The following ZDHHC20 variants were observed in gnomAD, a reference collection of about 807,000 sequenced individuals.
The protein encoded by ZDHHC20 is zDHHC palmitoyltransferase 20.
A neutral mutation model predicts 57.8 loss-of-function variants in ZDHHC20; 43 were observed. That is an observed-to-expected ratio of 0.74 (90% CI 0.58 to 0.96). ZDHHC20 has a LOEUF of 0.96. Among genes scored for constraint, ZDHHC20 ranks in the 40% least tolerant of loss-of-function variants. ZDHHC20 has a pLI of 0.00. For synonymous variants in ZDHHC20, 157 were observed against 153.0 expected (o/e 1.03, Z -0.19); for missense variants, 391 against 441.1 (o/e 0.89, Z 1.02).
intron 1 of ZDHHC20, among the ~76,000 whole-genome samples, chr13:21,448,148 A>C (rs1883978271): frequency 7.2e-6 from 1 of 139,576 alleles, no homozygotes; most frequent in African/African-American, 2.6e-5. Flanking sequence ...CTGGGAGGTG[A>C]GGAGCGTCTC....
At chr13:21,377,161 C>T (rs948419386) in intron 12 of ZDHHC20, 7 of 191,902 alleles carry the variant, frequency 3.6e-5, no homozygotes, top group South Asian at 1.7e-4. Context: ...TCACCGTATG[C>T]GGGACACAGC....
chr13:21,449,183 C>T (rs1196806971), intron 1 of ZDHHC20, among the ~76,000 whole-genome samples: 2 of 147,878 alleles, frequency 1.4e-5, no homozygotes, highest in Non-Finnish European at 3.0e-5. Context: ...TGCCAAATCC[C>T]CCTCTGTGAG....
chr13:21,459,210 C>T lies in ZDHHC20; in HGVS notation c.-39G>A. The T allele has an allele frequency of 1.3e-6, 2 of 1,527,724 alleles. No homozygotes were observed. The highest frequency in any genetic ancestry group is 1.8e-6 in the Non-Finnish European group (2 of 1,130,746). 94.6% of individuals were successfully genotyped at this position (1,527,724 alleles called of 1,614,324 possible). On this transcript the variant is annotated 5_prime_UTR_variant, in exon 1 of 13. Transcript: ENST00000400590. ...CTGCCGAGCCCCGCGTCCCACCGTT[C>T]TGGGGAGCGCGGGAGCCCCGGCGAC... is the stretch of plus-strand genomic sequence containing the variant.
At chr13:21,425,767 AT>A in intron 1 of ZDHHC20, 89 bp from the exon 2 acceptor site, 1 of 829,870 alleles carries the variant, frequency 1.2e-6, no homozygotes, top group South Asian at 2.9e-5. Context: ...TCTTAATATC[AT>A]TTTCAAAAAA....
At chr13:21,448,927 T>C (rs1034685688) in intron 1 of ZDHHC20, among the ~76,000 whole-genome samples, 8 of 99,216 alleles carry the variant, frequency 8.1e-5, no homozygotes, top group Non-Finnish European at 1.7e-4. Flanking sequence ...CCCCCAACCC[T>C]GTGCTCTCTG....
At chr13:21,432,331 A>ATTTT (rs71093309) in intron 1 of ZDHHC20, among the ~76,000 whole-genome samples, 1 of 133,200 alleles carries the variant, frequency 7.5e-6, no homozygotes. Context: ...TGTCCCACTA[A>ATTTT]TTTTTTTTTT....
intron 11 of ZDHHC20, among the ~76,000 whole-genome samples, chr13:21,380,051 G>A (rs538195018): frequency 1.3e-5 from 2 of 151,830 alleles, no homozygotes; most frequent in East Asian, 2.0e-4. Flanking sequence ...TCGTGACCTC[G>A]TGATCCGCCT....
chr13:21,437,785 G>T (rs572423310), intron 1 of ZDHHC20, among the ~76,000 whole-genome samples: 1 of 151,796 alleles, frequency 6.6e-6, no homozygotes, highest in Admixed American at 6.6e-5. Flanking sequence ...TCCACCTCCC[G>T]GGTTCACGCC....
chr13:21,403,889 T>C (rs1250724065), intron 4 of ZDHHC20, among the ~76,000 whole-genome samples: 3 of 152,098 alleles, frequency 2.0e-5, no homozygotes, highest in East Asian at 1.9e-4. Flanking sequence ...GGTTTCACCA[T>C]ATTGGTCAGG....
chr13:21,402,685 G>A (rs1243859331), intron 5 of ZDHHC20, 112 bp downstream of exon 5: 2 of 835,664 alleles, frequency 2.4e-6, no homozygotes, highest in Non-Finnish European at 3.8e-6. Context: ...TAATGGGAGA[G>A]GATGAAGTGT....
chr13:21,382,220 T>C (rs752992468), intron 10 of ZDHHC20, among the ~76,000 whole-genome samples: 1 of 152,222 alleles, frequency 6.6e-6, no homozygotes, highest in Non-Finnish European at 1.5e-5. Flanking sequence ...TAACAAATGT[T>C]AGAGCTCAAA....
intron 10 of ZDHHC20, among the ~76,000 whole-genome samples, chr13:21,382,175 T>C (rs141480474): frequency 3.9e-4 from 59 of 152,340 alleles, no homozygotes; most frequent in African/African-American, 1.3e-3. Flanking sequence ...AGGTGGAAAC[T>C]GAGGCTCATA....
chr13:21,378,723 A>C lies in ZDHHC20; in HGVS notation c.1076T>G (p.Val359Gly). The C allele has an allele frequency of 6.8e-7, 1 of 1,467,622 alleles. No individual in the cohort carries two copies. The highest frequency in any genetic ancestry group is 1.5e-5 in the South Asian group (1 of 65,332). 90.9% of individuals were successfully genotyped at this position (1,467,622 alleles called of 1,614,324 possible). A position where few individuals can be genotyped will look rare whatever the true frequency, so the allele number is the denominator to read the frequency against. ...GIVKSGTNNHVTVAIEN is the reference protein window; with the variant it reads ...GIVKSGTNNHGTVAIEN ...TACTCAATTTTCTATTGCCACTGTT[A>C]CATGGTTATTTGTCCCTGTAAGCAT... Residue 359 changes from valine to glycine, a missense_variant, in exon 12 of 13, where the codon GTA (valine) becomes GGA (glycine). Around this residue, in one of 3 missense-constraint regions of ZDHHC20, gnomAD observed 197 missense variants for 220.8 expected, o/e 0.89. Transcript: ENST00000400590.
intron 7 of ZDHHC20, among the ~76,000 whole-genome samples, chr13:21,397,267 A>T (rs1268851113): frequency 6.6e-6 from 1 of 151,924 alleles, no homozygotes; most frequent in Non-Finnish European, 1.5e-5. Context: ...TGGAGGTTGC[A>T]GTGAGCCGAG....
At chr13:21,409,824 T>C (rs1878968724) in intron 4 of ZDHHC20, among the ~76,000 whole-genome samples, 1 of 152,208 alleles carries the variant, frequency 6.6e-6, no homozygotes, top group South Asian at 2.1e-4. Flanking sequence ...TTGCATTTGG[T>C]TAGAACATGC....
intron 1 of ZDHHC20, among the ~76,000 whole-genome samples, chr13:21,430,608 T>C (rs1343548592): frequency 6.6e-6 from 1 of 152,088 alleles, no homozygotes; most frequent in Non-Finnish European, 1.5e-5. Context: ...AGTTTGTCTA[T>C]TGTTTTTGGC....
intron 1 of ZDHHC20, among the ~76,000 whole-genome samples, chr13:21,443,605 T>C (rs141143897): frequency 1.3e-5 from 2 of 152,362 alleles, no homozygotes; most frequent in Non-Finnish European, 2.9e-5. Flanking sequence ...AAGGTCTGAA[T>C]TGAGGAACTA....
chr13:21,404,991 T>G (rs1878246323), intron 4 of ZDHHC20, among the ~76,000 whole-genome samples: 1 of 152,192 alleles, frequency 6.6e-6, no homozygotes, highest in South Asian at 2.1e-4. Context: ...TTTAGCTATT[T>G]GATTGTCACT....
intron 3 of ZDHHC20, among the ~76,000 whole-genome samples, chr13:21,417,921 A>G (rs1185588460): frequency 6.6e-6 from 1 of 152,200 alleles, no homozygotes; most frequent in East Asian, 1.9e-4. Flanking sequence ...CATTAACATC[A>G]AATTCACAGC....
Sources: allele counts gnomAD v4.1 joint callset (sites outside exome capture counted in the v4.1 genomes callset), GRCh38; gene constraint gnomAD v4.1.1; regional missense constraint gnomAD v4.1.1; transcripts MANE v1.5; gene names NCBI Gene and HGNC (gene_info 2026-07-23, HGNC 2026-07-21).